BPHL: variants seen among roughly 807,000 people sequenced by gnomAD.
The protein encoded by BPHL is biphenyl hydrolase like.
BPHL carries 27 observed loss-of-function variants against 31.2 expected under a neutral mutation model. The ratio of observed to expected loss-of-function variants is 0.87; its 90% CI spans 0.64 to 1.19. The LOEUF is 1.19. Among genes scored for constraint, BPHL ranks in the 50% most tolerant of loss-of-function variants. The pLI, the probability that BPHL is intolerant of heterozygous loss-of-function variation, is 0.00. For synonymous variants in BPHL, 150 were observed against 146.8 expected, an observed-to-expected ratio of 1.02 and a Z score of -0.16; for missense variants, 356 against 375.7, an observed-to-expected ratio of 0.95 and a Z score of 0.43.
chr6:3,119,911 A>G (rs59360406), intron 1 of BPHL, among the ~76,000 whole-genome samples: 6,591 of 152,330 alleles, frequency 0.043, 450 homozygotes, highest in African/African-American at 0.14. Context: ...GGTCAGGGCT[A>G]TTTTGATAGA....
intron 2 of BPHL, chr6:3,124,237 A>G (rs1254679645): frequency 6.6e-6 from 1 of 152,308 alleles, no homozygotes; most frequent in Non-Finnish European, 1.5e-5. Flanking sequence ...GATTCTTTTT[A>G]GAAATCAGAG....
At chr6:3,132,344 C>T (rs906078502) in intron 4 of BPHL, among the ~76,000 whole-genome samples, 2 of 152,202 alleles carry the variant, frequency 1.3e-5, no homozygotes, top group African/African-American at 4.8e-5. Context: ...CGACTTCCCT[C>T]CTCTCTCAGG....
chr6:3,127,595 A>G (rs1357655037), intron 3 of BPHL, among the ~76,000 whole-genome samples, 187 bp downstream of exon 3: 3 of 152,252 alleles, frequency 2.0e-5, no homozygotes, highest in Non-Finnish European at 2.9e-5. Context: ...CTCTAGAGAC[A>G]CTACCAAATC....
Position 3,140,336 on chromosome 6 carries a change from G to T in BPHL, c.665-50G>T. ...TCGCCGAGTTTCGCCTCCTCTGACC[G>T]CGTAGAATGGTTGCACTAAAGCAGA... On this transcript the variant is annotated intron_variant, in intron 5 of 6. Coordinates refer to ENST00000380379, the MANE Select transcript of BPHL (RefSeq NM_004332.4). This position sits in a 1 kb window ranked among gnomAD's most constrained non-coding sequence, Gnocchi z 5.2. The T allele has an allele frequency of 6.2e-7, 1 of 1,609,064 alleles. No individual in the cohort carries two copies. The highest frequency in any genetic ancestry group is 8.5e-7 in the Non-Finnish European group (1 of 1,177,078).
rs554091535 is a variant in BPHL, at chr6:3,152,668, A to C, written c.*93A>C. The C allele has an allele frequency of 2.2e-4, 247 of 1,131,750 alleles. 4 individuals are homozygous for C. The South Asian group carries it at 2.7e-3, about 12-fold the overall frequency. 70.1% of individuals were successfully genotyped at this position (1,131,750 alleles called of 1,614,324 possible). On this transcript the variant is annotated 3_prime_UTR_variant, in exon 7 of 7. Coordinates refer to ENST00000380379, the MANE Select transcript of BPHL (RefSeq NM_004332.4). ...ATGCCTTTGAAACTCTCCGCCTTTG[A>C]AACTTTCTACCCCTCCCTTCAATCT...
In BPHL at chr6:3,152,623, T is replaced by C. The variant is rs1188753684; in HGVS notation, c.*48T>C. On this transcript the variant is annotated 3_prime_UTR_variant, in exon 7 of 7. Coordinates refer to ENST00000380379, the MANE Select transcript of BPHL (RefSeq NM_004332.4). Reference sequence around the variant, plus strand: ...GGTTCCTTCGTGTGGGGCTTGATCGTGTTGCTGCCTGTTAACATGATGCCT... The same window carrying C: ...GGTTCCTTCGTGTGGGGCTTGATCGCGTTGCTGCCTGTTAACATGATGCCT... 2 of 1,528,352 alleles carry C rather than the reference T, an allele frequency of 1.3e-6. No individual in the cohort carries two copies. The highest frequency in any genetic ancestry group is 3.5e-5 in the Admixed American group (2 of 56,610). 94.7% of individuals were successfully genotyped at this position (1,528,352 alleles called of 1,614,324 possible). A position where few individuals can be genotyped will look rare whatever the true frequency, so the allele number is the denominator to read the frequency against.
chr6:3,146,741 TCGGAG>T, intron 6 of BPHL, among the ~76,000 whole-genome samples: 2 of 136,902 alleles, frequency 1.5e-5, no homozygotes, highest in African/African-American at 5.7e-5. Flanking sequence ...CTGGTTTGGG[TCGGAG>T]TGCTGGTTTG....
In BPHL at chr6:3,118,793, C is replaced by T. The variant is rs1761465368; in HGVS notation, c.53C>T (p.Ser18Leu). The T allele has an allele frequency of 8.0e-7, 1 of 1,248,860 alleles. No homozygotes were observed. 77.4% of individuals were successfully genotyped at this position (1,248,860 alleles called of 1,614,324 possible). ...RGVLRLRLLL[S>L]ALKPGIHVPR... The stretch of plus-strand genomic sequence containing the variant: ...GTGTTGCGCCTGCGGCTGCTTCTCT[C>T]AGCGCTGAAGCCCGGGATCCACGTC... Residue 18 changes from serine (S) to leucine (L), a missense_variant, in exon 1 of 7, where the codon TCA becomes TTA. Coordinates refer to ENST00000380379, the MANE Select transcript of BPHL (RefSeq NM_004332.4).
upstream of BPHL, chr6:3,118,691 C>T (rs767162451): frequency 4.9e-6 from 6 of 1,216,176 alleles, no homozygotes; most frequent in Non-Finnish European, 6.2e-6. Context: ...CCGGGTACCG[C>T]GCTTGGTCTT....
At chr6:3,130,500 G>A (rs554731527) in intron 4 of BPHL, among the ~76,000 whole-genome samples, 58 of 152,198 alleles carry the variant, frequency 3.8e-4, no homozygotes, top group Non-Finnish European at 2.9e-5. Flanking sequence ...TGCCAGCCTG[G>A]CCCACCAGGA....
chr6:3,127,468 T>A, intron 3 of BPHL, 60 bp downstream of exon 3: 2 of 1,364,230 alleles, frequency 1.5e-6, no homozygotes, highest in Non-Finnish European at 2.0e-6. Context: ...TTCATTTATT[T>A]TGTTTAAATT....
chr6:3,134,238 C>G (rs987032553), intron 4 of BPHL, among the ~76,000 whole-genome samples: 2 of 152,138 alleles, frequency 1.3e-5, no homozygotes, highest in African/African-American at 2.4e-5. Context: ...CGCTGTCCAC[C>G]CAACTCAGCA....
chr6:3,127,168 T>C, intron 2 of BPHL, 74 bp from the exon 3 acceptor site: 2 of 1,047,754 alleles, frequency 1.9e-6, no homozygotes, highest in Non-Finnish European at 2.7e-6. Context: ...AAGATTGTTA[T>C]TGCTTCTGTT....
chr6:3,135,287 G>T (rs1761984363), intron 4 of BPHL, among the ~76,000 whole-genome samples: 1 of 152,230 alleles, frequency 6.6e-6, no homozygotes. Context: ...GTTTAGCTGA[G>T]TGTGGAAATG....
intron 1 of BPHL, among the ~76,000 whole-genome samples, chr6:3,121,447 G>A (rs926049401): frequency 6.6e-5 from 10 of 152,056 alleles, no homozygotes; most frequent in African/African-American, 2.4e-4. Context: ...TTACAGGTGT[G>A]CACCACCATG....
chr6:3,144,198 G>C (rs1306013784), intron 6 of BPHL, among the ~76,000 whole-genome samples: 1 of 152,078 alleles, frequency 6.6e-6, no homozygotes, highest in South Asian at 2.1e-4. Context: ...CTCCCGAGTA[G>C]CTGGGACTAC....
At chr6:3,126,560 C>T (rs879513322) in intron 2 of BPHL, among the ~76,000 whole-genome samples, 1 of 149,398 alleles carries the variant, frequency 6.7e-6, no homozygotes, top group African/African-American at 2.5e-5. Flanking sequence ...CAGGCCTGCA[C>T]TCCGCCGGGA....
chr6:3,125,029 GC>G (rs1219708445), intron 2 of BPHL, among the ~76,000 whole-genome samples: 2 of 151,710 alleles, frequency 1.3e-5, no homozygotes, highest in Non-Finnish European at 2.9e-5. Flanking sequence ...TTGTCCAGGT[GC>G]TAAAAACTTA....
chr6:3,121,230 G>A (rs1761561433), intron 1 of BPHL, among the ~76,000 whole-genome samples: 1 of 150,852 alleles, frequency 6.6e-6, no homozygotes, highest in Non-Finnish European at 1.5e-5. Context: ...GTAGATAATG[G>A]CTACTTCACA....
Sources: gnomAD v4.1 joint callset for allele counts (sites outside exome capture counted in the v4.1 genomes callset) on GRCh38, gnomAD v4.1.1 for gene constraint, Gnocchi (gnomAD v3.1) non-coding constraint, MANE v1.5 for transcripts, NCBI Gene and HGNC (gene_info 2026-07-23, HGNC 2026-07-21) for gene names.